Variants in NEGR1 observed in about 807,000 individuals in gnomAD.
NEGR1 encodes IgLON family member 4.
In NEGR1, 10 loss-of-function variants were observed where a neutral mutation model predicts 40.9. That is an observed-to-expected ratio of 0.24 (90% CI 0.15 to 0.42). The LOEUF (loss-of-function observed/expected upper bound fraction) is 0.42. NEGR1 is among the 10% of genes least tolerant of loss of function. The probability of loss-of-function intolerance (pLI) is 1.00; values close to 1 mark genes in which losing one functional copy is unlikely to be tolerated. For synonymous variants in NEGR1, 185 were observed against 166.8 expected, an observed-to-expected ratio of 1.11 and a Z score of -0.84; for missense variants, 352 against 438.9, an observed-to-expected ratio of 0.80 and a Z score of 1.77.
intron 2 of NEGR1, among the ~76,000 whole-genome samples, chr1:71,831,661 C>T (rs1378616866): frequency 2.6e-5 from 4 of 151,806 alleles, no homozygotes; most frequent in African/African-American, 4.8e-5. Flanking sequence ...CTGTGACATA[C>T]TATTAGTGGA....
At chr1:71,473,530 T>C (rs1270444113) in intron 6 of NEGR1, among the ~76,000 whole-genome samples, 1 of 152,064 alleles carries the variant, frequency 6.6e-6, no homozygotes, top group Non-Finnish European at 1.5e-5. Context: ...CCAGGGAAAA[T>C]GAATGACCCT....
chr1:71,419,963 A>G (rs1004776126), intron 6 of NEGR1, among the ~76,000 whole-genome samples: 1 of 151,994 alleles, frequency 6.6e-6, no homozygotes, highest in African/African-American at 2.4e-5. Flanking sequence ...CTGAACTCAG[A>G]CACTAGTCAA....
At chr1:71,842,703 G>T (rs1198215243) in intron 2 of NEGR1, among the ~76,000 whole-genome samples, 1 of 152,174 alleles carries the variant, frequency 6.6e-6, no homozygotes, top group Admixed American at 6.6e-5. Flanking sequence ...CCAGTGGGCA[G>T]TGATTTCCTC....
chr1:72,071,286 GA>G (rs1023960271), intron 1 of NEGR1, among the ~76,000 whole-genome samples: 1 of 151,754 alleles, frequency 6.6e-6, no homozygotes, highest in South Asian at 2.1e-4. Flanking sequence ...TGAACAGCAA[GA>G]AAAAAATGGA....
intron 4 of NEGR1, among the ~76,000 whole-genome samples, chr1:71,653,691 T>A (rs973668675): frequency 3.3e-5 from 5 of 152,196 alleles, no homozygotes; most frequent in African/African-American, 1.2e-4. Flanking sequence ...TACTATTACT[T>A]CTATGACCAT....
chr1:71,637,810 A>G (rs1257622090), intron 4 of NEGR1, among the ~76,000 whole-genome samples: 1 of 151,936 alleles, frequency 6.6e-6, no homozygotes, highest in African/African-American at 2.4e-5. Flanking sequence ...AGGTCACCTA[A>G]CCCACGTTAC....
At chr1:71,526,329 T>C (rs764687156) in intron 6 of NEGR1, among the ~76,000 whole-genome samples, 32 of 151,588 alleles carry the variant, frequency 2.1e-4, no homozygotes, top group African/African-American at 4.6e-4. Flanking sequence ...TTTGTAATAA[T>C]AGACTTTGCT....
chr1:71,538,728 A>G (rs1553148970), intron 6 of NEGR1, among the ~76,000 whole-genome samples: 1 of 151,716 alleles, frequency 6.6e-6, no homozygotes, highest in Non-Finnish European at 1.5e-5. Context: ...CATGGAGTAC[A>G]ATTTAGAAAT....
At chr1:71,663,974 C>A (rs1258988033) in intron 4 of NEGR1, among the ~76,000 whole-genome samples, 1 of 152,144 alleles carries the variant, frequency 6.6e-6, no homozygotes. Flanking sequence ...TTTTAGAATG[C>A]ATGAAGGTAA....
chr1:71,929,732 G>GT lies in NEGR1; in HGVS notation c.409+5346dup, dbSNP rs75644144. Reference sequence around the variant, plus strand: ...TTTTCATGCTTTTTTCACCATTACTGTTTTTTTTTTTTTCTTCTTTTGGTC... The same window carrying GT: ...TTTTCATGCTTTTTTCACCATTACTGTTTTTTTTTTTTTTCTTCTTTTGGTC... On this transcript the variant is annotated intron_variant, in intron 2 of 6. Transcript: ENST00000357731. 5.8e-3 allele frequency among the ~76,000 whole-genome samples: 826 copies of GT among 142,416 alleles called. 6 individuals carry two copies. Among genetic ancestry groups the GT allele is most frequent in the African/African-American group, 0.015 (567 of 39,034 alleles). 93.4% of individuals were successfully genotyped at this position (142,416 alleles called of 152,430 possible).
Position 71,540,503 on chromosome 1 carries a change from G to T in NEGR1, c.940+52314C>A, listed in dbSNP as rs553177240. Reference sequence around the variant, plus strand: ...TCATGTATGATTATAGAGAGGAATGGCTTTTAGTTATTGCTTCTGATTTTT... The same window carrying T: ...TCATGTATGATTATAGAGAGGAATGTCTTTTAGTTATTGCTTCTGATTTTT... On this transcript the variant is annotated intron_variant, in intron 6 of 6. Coordinates refer to ENST00000357731, the MANE Select transcript of NEGR1 (RefSeq NM_173808.3). Among the ~76,000 whole-genome samples, 11 of 151,824 alleles carry T rather than the reference G, an allele frequency of 7.2e-5. No individual in the cohort carries two copies. The East Asian group carries it at 1.4e-3, about 19-fold the overall frequency.
intron 6 of NEGR1, among the ~76,000 whole-genome samples, chr1:71,546,546 C>A (rs1052621317): frequency 1.6e-4 from 24 of 151,634 alleles, no homozygotes; most frequent in African/African-American, 5.8e-4. Context: ...ACATGCCAGA[C>A]AAAATTTTAA....
chr1:71,612,979 C>T (rs375577507), intron 4 of NEGR1, among the ~76,000 whole-genome samples: 3 of 152,288 alleles, frequency 2.0e-5, no homozygotes, highest in African/African-American at 7.2e-5. Context: ...CAGGTCATTT[C>T]AAGGAATTGA....
intron 3 of NEGR1, among the ~76,000 whole-genome samples, chr1:71,756,942 G>C (rs1428677175): frequency 2.0e-5 from 3 of 151,686 alleles, no homozygotes; most frequent in African/African-American, 7.2e-5. Flanking sequence ...TTGAGGGCAA[G>C]TTCTCAAGAC....
intron 4 of NEGR1, among the ~76,000 whole-genome samples, chr1:71,647,343 AG>A (rs1185771627): frequency 6.6e-6 from 1 of 151,946 alleles, no homozygotes; most frequent in Non-Finnish European, 1.5e-5. Context: ...AATAACTGTT[AG>A]AAGTTTGATC....
chr1:72,027,845 T>C (rs917161518), intron 1 of NEGR1, among the ~76,000 whole-genome samples: 14 of 152,340 alleles, frequency 9.2e-5, no homozygotes, highest in East Asian at 1.9e-4. Flanking sequence ...CCTGTCATAA[T>C]TGCAGAAACT....
intron 1 of NEGR1, among the ~76,000 whole-genome samples, chr1:72,160,420 T>C (rs1338251582): frequency 6.6e-6 from 1 of 152,130 alleles, no homozygotes; most frequent in Non-Finnish European, 1.5e-5. Context: ...TATGCAACTA[T>C]TAGAATTACA....
intron 6 of NEGR1, among the ~76,000 whole-genome samples, chr1:71,557,440 C>T (rs997915077): frequency 7.9e-5 from 12 of 151,572 alleles, no homozygotes; most frequent in African/African-American, 1.9e-4. Flanking sequence ...TGACAATGAA[C>T]GTCATGCACT....
At chr1:72,212,444 G>C (rs1449559650) in intron 1 of NEGR1, among the ~76,000 whole-genome samples, 1 of 151,902 alleles carries the variant, frequency 6.6e-6, no homozygotes, top group Admixed American at 6.6e-5. Context: ...CAAGGTTGGT[G>C]GTGGGCAGCA....
Sources: gnomAD v4.1 joint callset for allele counts (sites outside exome capture counted in the v4.1 genomes callset) on GRCh38, gnomAD v4.1.1 for gene constraint, MANE v1.5 for transcripts, NCBI Gene and HGNC (gene_info 2026-07-23, HGNC 2026-07-21) for gene names.